Variants in LY75 observed in about 807,000 individuals in gnomAD.
LY75 encodes lymphocyte antigen 75.
In LY75, 185 loss-of-function variants were observed where a neutral mutation model predicts 231.7. The observed-to-expected ratio is 0.80, with a 90% CI of 0.71 to 0.90. The LOEUF is 0.90. Ranked by LOEUF, LY75 falls within the 40% of genes least tolerant of loss-of-function variation. The pLI is 0.00. For missense variants in LY75, 1,947 were observed against 2,050.2 expected, an observed-to-expected ratio of 0.95 and a Z score of 0.97; for synonymous variants, 668 against 689.0, an observed-to-expected ratio of 0.97 and a Z score of 0.48.
intron 29 of LY75, among the ~76,000 whole-genome samples, chr2:159,819,297 C>G (rs765975115): frequency 6.6e-6 from 1 of 152,140 alleles, no homozygotes; most frequent in African/African-American, 2.4e-5. Flanking sequence ...GAGAGACATT[C>G]ACTTTGCACG....
At position 159,816,951 on chromosome 2, in the gene LY75, T is replaced by C; in HGVS notation, c.4235A>G (p.Lys1412Arg). The C allele has an allele frequency of 1.2e-6, 2 of 1,614,030 alleles. No homozygotes were observed. Among genetic ancestry groups the C allele is most frequent in the Non-Finnish European group, 1.7e-6 (2 of 1,179,960 alleles). ...GTTTAATGCTTCATACCATGTTACC[T>C]TTTTTTGAATAACACTGTAAATACC... ...EDGIYSVIQKKVTWYEALNMC... is the reference protein window; with the variant it reads ...EDGIYSVIQKRVTWYEALNMC... The change falls in exon 30 of 35, where the codon AAG (lysine) becomes AGG (arginine). Residue 1412 changes from lysine (K) to arginine (R), a missense_variant. Transcript: ENST00000263636.
intron 6 of LY75, 90 bp from the exon 7 acceptor site, chr2:159,882,405 A>C (rs1685464237): frequency 2.0e-6 from 3 of 1,514,026 alleles, no homozygotes; most frequent in Non-Finnish European, 2.6e-6. Flanking sequence ...GAATAATGAG[A>C]GTCCTGGAAA....
intron 19 of LY75, 96 bp downstream of exon 19, chr2:159,853,534 T>C: frequency 8.3e-6 from 13 of 1,569,184 alleles, no homozygotes; most frequent in Non-Finnish European, 1.0e-5. Flanking sequence ...TATGGATTAA[T>C]ATTCAAACTA....
intron 26 of LY75, 74 bp from the exon 27 acceptor site, chr2:159,834,285 T>C: frequency 6.4e-7 from 1 of 1,571,376 alleles, no homozygotes; most frequent in Middle Eastern, 1.9e-4. Flanking sequence ...TCATTAGGCT[T>C]GATTTGTAGG....
At chr2:159,858,341 A>G (rs1304998098) in intron 16 of LY75, 21 bp downstream of exon 16, 2 of 1,609,284 alleles carry the variant, frequency 1.2e-6, no homozygotes, top group Admixed American at 1.7e-5. Flanking sequence ...AAGGTTGTGA[A>G]AAGGAATAAC....
intron 31 of LY75, among the ~76,000 whole-genome samples, chr2:159,812,667 C>A (rs1199390961): frequency 6.6e-6 from 1 of 152,132 alleles, no homozygotes; most frequent in Admixed American, 6.5e-5. Context: ...CCTGTCTCAG[C>A]CCCCCAAAGT....
intron 6 of LY75, among the ~76,000 whole-genome samples, chr2:159,884,292 A>G (rs1267341762): frequency 6.6e-6 from 1 of 152,142 alleles, no homozygotes; most frequent in Non-Finnish European, 1.5e-5. Flanking sequence ...AAACGGATGA[A>G]TACATCCCTC....
chr2:159,871,355 T>C (rs1037734544), intron 13 of LY75, among the ~76,000 whole-genome samples: 4 of 152,094 alleles, frequency 2.6e-5, no homozygotes, highest in African/African-American at 7.2e-5. Flanking sequence ...ATTAGAGACC[T>C]GGCAAATTGG....
intron 1 of LY75, among the ~76,000 whole-genome samples, chr2:159,899,734 T>C (rs1395359353): frequency 9.2e-5 from 14 of 152,192 alleles, no homozygotes; most frequent in Admixed American, 9.2e-4. Flanking sequence ...TAGATATTTT[T>C]TGGAGACCTA....
At chr2:159,805,931 CA>C (rs1682780076) in intron 34 of LY75, among the ~76,000 whole-genome samples, 1 of 152,152 alleles carries the variant, frequency 6.6e-6, no homozygotes, top group Admixed American at 6.5e-5. Context: ...GTATGTCTAG[CA>C]CCTGCCTACC....
chr2:159,838,027 C>T (rs568057316), intron 25 of LY75, among the ~76,000 whole-genome samples: 13 of 152,334 alleles, frequency 8.5e-5, no homozygotes, highest in Non-Finnish European at 1.3e-4. Flanking sequence ...CTGCACTTCA[C>T]ATAACCCAGA....
intron 13 of LY75, among the ~76,000 whole-genome samples, chr2:159,868,184 G>T (rs1032016838): frequency 6.6e-6 from 1 of 152,120 alleles, no homozygotes; most frequent in Non-Finnish European, 1.5e-5. Flanking sequence ...AAGTTATTAA[G>T]CAAACAAAGC....
intron 25 of LY75, 110 bp from the exon 26 acceptor site, chr2:159,835,755 C>T (rs1189285616): frequency 1.5e-6 from 2 of 1,345,742 alleles, no homozygotes; most frequent in African/African-American, 3.0e-5. Context: ...ATATTTAATA[C>T]ACATTTACAT....
At chr2:159,864,545 G>T (rs1322955533) in intron 14 of LY75, among the ~76,000 whole-genome samples, 1 of 152,014 alleles carries the variant, frequency 6.6e-6, no homozygotes, top group Non-Finnish European at 1.5e-5. Flanking sequence ...AAACCAGTTG[G>T]CTATAAATAT....
intron 14 of LY75, among the ~76,000 whole-genome samples, chr2:159,862,800 A>C (rs187287166): frequency 6.6e-5 from 10 of 152,298 alleles, no homozygotes; most frequent in African/African-American, 2.2e-4. Flanking sequence ...TCACACAGTT[A>C]TTTCTGTGGT....
At chr2:159,871,057 T>C (rs1031344505) in intron 13 of LY75, among the ~76,000 whole-genome samples, 10 of 152,204 alleles carry the variant, frequency 6.6e-5, no homozygotes, top group Non-Finnish European at 1.2e-4. Context: ...TACCTTTTTC[T>C]GACTTTCAGG....
Position 159,835,506 on chromosome 2 carries a change from G to T in LY75, c.3647C>A (p.Pro1216Gln). ...TCCTGAATAGTAGCAAATAGCACCTGGTTGATTGTCATTGCAATCAACTGT... is the reference window on the plus strand; with the variant it reads ...TCCTGAATAGTAGCAAATAGCACCTTGTTGATTGTCATTGCAATCAACTGT... ...WKTVDCNDNQ[P>Q]GAICYYSGNE... Residue 1216 changes from proline to glutamine, a missense_variant, in exon 26 of 35, where the codon CCA (proline) becomes CAA (glutamine). Physicochemically the swap from Pro to Gln is moderately conservative, Grantham distance 76. Transcript: ENST00000263636. 1.2e-6 allele frequency: 2 copies of T among 1,609,682 alleles called. No individual in the cohort carries two copies. Among genetic ancestry groups the T allele is most frequent in the East Asian group, 2.2e-5 (1 of 44,640 alleles).
Position 159,899,098 on chromosome 2 carries a change from T to C in LY75, c.95-39A>G. On this transcript the variant is annotated intron_variant, in intron 1 of 34. Coordinates refer to ENST00000263636, the MANE Select transcript of LY75 (RefSeq NM_002349.4). ...ACAGACAGATTGTAGATTATGTGGT[T>C]GAAGCGCCTTGCTCCCTGCCTGCTG... is the stretch of plus-strand genomic sequence containing the variant. 1.3e-6 allele frequency: 2 copies of C among 1,584,170 alleles called. 1 individual carries two copies. Among genetic ancestry groups the C allele is most frequent in the Non-Finnish European group, 1.7e-6 (2 of 1,167,568 alleles).
At position 159,848,664 on chromosome 2, in the gene LY75, G is replaced by A. The variant is rs372155183; in HGVS notation, c.3150+1316C>T. Among the ~76,000 whole-genome samples, 147 of 152,236 alleles carry A rather than the reference G, an allele frequency of 9.7e-4. 1 individual carries two copies. In the South Asian group the frequency reaches 0.029, roughly 30 times the overall value. On this transcript the variant is annotated intron_variant, in intron 23 of 34. Coordinates refer to ENST00000263636, the MANE Select transcript of LY75 (RefSeq NM_002349.4). Reference sequence around the variant, plus strand: ...TATACTATGATCTCACTTATATCAAGAAAACAGTGTATGGAAAAGCCCTAG... The same window carrying A: ...TATACTATGATCTCACTTATATCAAAAAAACAGTGTATGGAAAAGCCCTAG...
Sources: allele counts gnomAD v4.1 joint callset (sites outside exome capture counted in the v4.1 genomes callset), GRCh38; gene constraint gnomAD v4.1.1; transcripts MANE v1.5; gene names NCBI Gene and HGNC (gene_info 2026-07-23, HGNC 2026-07-21).